The following KSR2 variants were observed in gnomAD, a reference collection of about 807,000 sequenced individuals.
KSR2 encodes kinase suppressor of ras 2.
KSR2 carries 25 observed loss-of-function variants against 107.8 expected under a neutral mutation model. That is an observed-to-expected ratio of 0.23 (90% CI 0.17 to 0.32). KSR2 has a LOEUF of 0.32. Among genes scored for constraint, KSR2 ranks in the 10% least tolerant of loss-of-function variants. The pLI, the probability that KSR2 is intolerant of heterozygous loss-of-function variation, is 1.00. For synonymous variants in KSR2, 480 were observed against 507.0 expected (o/e 0.95, Z 0.71); for missense variants, 887 against 1,268.9 (o/e 0.70, Z 4.57).
intron 15 of KSR2, 144 bp from the exon 16 acceptor site, chr12:117,484,693 G>A (rs561616673): frequency 4.4e-5 from 35 of 791,148 alleles, no homozygotes; most frequent in Non-Finnish European, 6.1e-5. Flanking sequence ...GGGTCTGACC[G>A]TGGGTCCTGG....
chr12:117,819,745 T>A (rs561417293), intron 3 of KSR2, among the ~76,000 whole-genome samples: 7 of 151,958 alleles, frequency 4.6e-5, no homozygotes, highest in African/African-American at 1.4e-4. Flanking sequence ...AAGCATAATA[T>A]AACCAAAACC....
intron 6 of KSR2, 132 bp from the exon 7 acceptor site, chr12:117,579,334 T>C (rs1448865121): frequency 4.3e-6 from 3 of 704,520 alleles, no homozygotes; most frequent in Non-Finnish European, 7.6e-6. Context: ...GCTGTGTGAC[T>C]TAATCAAGTT....
At chr12:117,806,970 G>A (rs1436488635) in intron 3 of KSR2, among the ~76,000 whole-genome samples, 11 of 152,118 alleles carry the variant, frequency 7.2e-5, no homozygotes, top group Non-Finnish European at 7.4e-5. Context: ...CCCCGTGCCC[G>A]TCCCCTGTCA....
intron 3 of KSR2, among the ~76,000 whole-genome samples, chr12:117,797,537 G>GACA (rs71782518): frequency 7.9e-5 from 3 of 38,132 alleles, no homozygotes; most frequent in African/African-American, 1.3e-4. Context: ...TTGGTGTGAT[G>GACA]ACAATACTTT....
In KSR2 at chr12:117,459,722, C is replaced by G. The variant is rs1870799351; in HGVS notation, c.*7477G>C. 1 of 152,234 alleles carries G rather than the reference C, an allele frequency of 6.6e-6. No individual in the cohort carries two copies. The allele number at this position is 152,234 out of a possible 1,614,324, so 9.4% of individuals were successfully genotyped here. ...CCAACACACAGCAGATTTGACCCCT[C>G]CATTGGAAGACACCATCAGCCAGAT... is the stretch of plus-strand genomic sequence containing the variant. On this transcript the variant is annotated 3_prime_UTR_variant, in exon 20 of 20. Transcript: ENST00000339824.
chr12:117,595,031 T>C (rs557014315), intron 5 of KSR2, among the ~76,000 whole-genome samples: 96 of 152,282 alleles, frequency 6.3e-4, no homozygotes, highest in South Asian at 1.9e-3. Context: ...ATTAAATGCA[T>C]GGACAGATCT....
chr12:117,642,527 T>C (rs1343848705), intron 5 of KSR2, among the ~76,000 whole-genome samples: 1 of 152,186 alleles, frequency 6.6e-6, no homozygotes, highest in Non-Finnish European at 1.5e-5. Context: ...TCCTCCCTCT[T>C]GGTTGACCCT....
chr12:117,861,679 C>T lies in KSR2; in HGVS notation c.181-1248G>A, dbSNP rs190293346. 9.2e-4 allele frequency among the ~76,000 whole-genome samples: 139 copies of T among 151,716 alleles called. 1 individual carries two copies. The highest frequency in any genetic ancestry group is 3.6e-3 in the Middle Eastern group (1 of 280). ...CTGGGATTACAGGCATGAGCCACCGCGCCCAGCCGAGGACTCCCAATTCTT... is the reference window on the plus strand; with the variant it reads ...CTGGGATTACAGGCATGAGCCACCGTGCCCAGCCGAGGACTCCCAATTCTT... On this transcript the variant is annotated intron_variant, in intron 1 of 19. Transcript: ENST00000339824.
intron 1 of KSR2, among the ~76,000 whole-genome samples, chr12:117,963,602 CA>C (rs149837779): frequency 6.6e-6 from 1 of 151,306 alleles, no homozygotes; most frequent in South Asian, 2.1e-4. Flanking sequence ...GACCCTGCCT[CA>C]AAAAAAACAA....
intron 5 of KSR2, among the ~76,000 whole-genome samples, chr12:117,651,469 T>A (rs994756750): frequency 6.6e-6 from 1 of 152,182 alleles, no homozygotes; most frequent in African/African-American, 2.4e-5. Flanking sequence ...GAATGGATAT[T>A]AAGGGTGTGG....
At chr12:117,597,509 TGAGCCAA>T (rs1174028421) in intron 5 of KSR2, among the ~76,000 whole-genome samples, 1 of 152,050 alleles carries the variant, frequency 6.6e-6, no homozygotes, top group Admixed American at 6.5e-5. Flanking sequence ...GGCAAAACCA[TGAGCCAA>T]GGAAGAAGCG....
intron 5 of KSR2, among the ~76,000 whole-genome samples, chr12:117,600,056 C>A (rs10850853): frequency 6.6e-6 from 1 of 152,022 alleles, no homozygotes; most frequent in African/African-American, 2.4e-5. Context: ...GACCAGCAAG[C>A]TCTCAGAGCA....
chr12:117,778,569 G>T (rs1037663425), intron 3 of KSR2, among the ~76,000 whole-genome samples: 2 of 152,196 alleles, frequency 1.3e-5, no homozygotes, highest in Non-Finnish European at 2.9e-5. Context: ...CTGGTGACCA[G>T]AAGAAAGGGT....
intron 1 of KSR2, among the ~76,000 whole-genome samples, chr12:117,870,772 A>T (rs566227837): frequency 1.3e-5 from 2 of 152,154 alleles, no homozygotes; most frequent in Non-Finnish European, 2.9e-5. Flanking sequence ...CAATTATGAT[A>T]CATTAGAAAT....
intron 7 of KSR2, among the ~76,000 whole-genome samples, chr12:117,576,547 G>A (rs985910683): frequency 6.6e-6 from 1 of 152,120 alleles, no homozygotes; most frequent in Non-Finnish European, 1.5e-5. Flanking sequence ...GCCTAGGCTG[G>A]AGTGCAGTGG....
At chr12:117,888,834 AAGTT>A (rs1894255569) in intron 1 of KSR2, among the ~76,000 whole-genome samples, 1 of 152,296 alleles carries the variant, frequency 6.6e-6, no homozygotes, top group African/African-American at 2.4e-5. Flanking sequence ...ACGGCAGCCC[AAGTT>A]GACTAAGTCA....
chr12:117,693,766 G>C (rs1885929650), intron 4 of KSR2, among the ~76,000 whole-genome samples: 1 of 152,154 alleles, frequency 6.6e-6, no homozygotes, highest in East Asian at 1.9e-4. Context: ...ACCCCAGGAA[G>C]CGGGTCCTAC....
intron 3 of KSR2, among the ~76,000 whole-genome samples, chr12:117,800,242 A>C (rs531485093): frequency 6.6e-6 from 1 of 152,140 alleles, no homozygotes; most frequent in Non-Finnish European, 1.5e-5. Context: ...CATAGGAGTG[A>C]GGGACCAAGG....
At chr12:117,713,032 T>C (rs374745891) in intron 4 of KSR2, among the ~76,000 whole-genome samples, 1 of 148,276 alleles carries the variant, frequency 6.7e-6, no homozygotes. Flanking sequence ...AATATGTATA[T>C]AGATATCTAG....
Sources: gnomAD v4.1 joint callset for allele counts (sites outside exome capture counted in the v4.1 genomes callset) on GRCh38, gnomAD v4.1.1 for gene constraint, MANE v1.5 for transcripts, NCBI Gene and HGNC (gene_info 2026-07-23, HGNC 2026-07-21) for gene names.